Variants in FAM135B observed in about 807,000 individuals in gnomAD.
FAM135B encodes protein FAM135B.
A neutral mutation model predicts 127.7 loss-of-function variants in FAM135B; 43 were observed. That is an observed-to-expected ratio of 0.34 (90% CI 0.26 to 0.43). FAM135B has a LOEUF of 0.43. Among genes scored for constraint, FAM135B ranks in the 20% least tolerant of loss-of-function variants. The probability of loss-of-function intolerance (pLI) is 1.00; values close to 1 mark genes in which losing one functional copy is unlikely to be tolerated. For synonymous variants in FAM135B, 670 were observed against 665.1 expected, an observed-to-expected ratio of 1.01 and a Z score of -0.11; for missense variants, 1,558 against 1,725.6, an observed-to-expected ratio of 0.90 and a Z score of 1.72.
chr8:138,203,447 T>C (rs1332846264), intron 7 of FAM135B, among the ~76,000 whole-genome samples: 1 of 152,174 alleles, frequency 6.6e-6, no homozygotes, highest in East Asian at 1.9e-4. Context: ...CAAATTCTCT[T>C]ATCTCTGCCC....
At chr8:138,294,271 A>G (rs1825324182) in intron 3 of FAM135B, among the ~76,000 whole-genome samples, 1 of 152,116 alleles carries the variant, frequency 6.6e-6, no homozygotes, top group South Asian at 2.1e-4. Context: ...TGAAAGATAA[A>G]AAATTGCACG....
At position 138,139,111 on chromosome 8, in the gene FAM135B, A is replaced by G; in HGVS notation, c.3791-15T>C. ...GAGCCATAAGCCTAGGAAGACAAAA[A>G]CAAAATAAAAATCAAAAACACAAAA... On this transcript the variant is annotated splice_polypyrimidine_tract_variant and intron_variant, in intron 17 of 19. Coordinates refer to ENST00000395297, the MANE Select transcript of FAM135B (RefSeq NM_015912.4). 1 of 1,552,982 alleles carries G rather than the reference A, an allele frequency of 6.4e-7. No individual in the cohort carries two copies. The highest frequency in any genetic ancestry group is 8.8e-7 in the Non-Finnish European group (1 of 1,131,050).
At chr8:138,387,930 T>C (rs1207881915) in intron 1 of FAM135B, among the ~76,000 whole-genome samples, 3 of 152,170 alleles carry the variant, frequency 2.0e-5, no homozygotes, top group African/African-American at 4.8e-5. Context: ...CAAAATCCCA[T>C]TGGCTTCCTA....
intron 2 of FAM135B, among the ~76,000 whole-genome samples, chr8:138,360,998 TC>T (rs1830387434): frequency 6.6e-6 from 1 of 151,810 alleles, no homozygotes; most frequent in Non-Finnish European, 1.5e-5. Flanking sequence ...CAATCTCAGT[TC>T]ACTGCAACCT....
intron 1 of FAM135B, among the ~76,000 whole-genome samples, chr8:138,382,279 A>C (rs148525522): frequency 1.3e-5 from 2 of 152,190 alleles, no homozygotes; most frequent in African/African-American, 4.8e-5. Context: ...GGTTTCTAAA[A>C]TTTCTCGGGA....
At chr8:138,409,738 G>A (rs1587380712) in intron 1 of FAM135B, among the ~76,000 whole-genome samples, 1 of 152,004 alleles carries the variant, frequency 6.6e-6, no homozygotes, top group Non-Finnish European at 1.5e-5. Context: ...AGTCAGGCAT[G>A]GTGGTGGGCG....
In FAM135B at chr8:138,131,184, C is replaced by T. The variant is rs946968940; in HGVS notation, c.*1409G>A. On this transcript the variant is annotated 3_prime_UTR_variant, in exon 20 of 20. Transcript: ENST00000395297. ...AGAGTCATGGTCTAGGTATTGAGAA[C>T]CCTGGTCCTAGATGCGTTTCCACAC... 3 of 152,180 alleles carry T rather than the reference C, an allele frequency of 2.0e-5. No individual in the cohort carries two copies. The highest frequency in any genetic ancestry group is 7.2e-5 in the African/African-American group (3 of 41,438). The allele number at this position is 152,180 out of a possible 1,614,324, so 9.4% of individuals were successfully genotyped here. A position where few individuals can be genotyped will look rare whatever the true frequency, so the allele number is the denominator to read the frequency against.
rs1369522240 is a variant in FAM135B at position 138,206,833 on chromosome 8, C to G, written c.670-9164G>C. Among the ~76,000 whole-genome samples, 10 of 150,894 alleles carry G rather than the reference C, an allele frequency of 6.6e-5. No homozygotes were observed. In the East Asian group the frequency reaches 1.8e-3, roughly 27 times the overall value. ...TCCACCTACACACAACTCCAGCATC[C>G]TCTCCACCTACACACAGCTCTATCA... is the stretch of plus-strand genomic sequence containing the variant. On this transcript the variant is annotated intron_variant, in intron 7 of 19. Transcript: ENST00000395297.
chr8:138,191,193 C>G (rs1204486429), intron 9 of FAM135B, among the ~76,000 whole-genome samples: 3 of 152,234 alleles, frequency 2.0e-5, no homozygotes, highest in Non-Finnish European at 4.4e-5. Context: ...GTTCTGAGCA[C>G]TGTGCACCTG....
At chr8:138,278,232 T>C (rs10111646) in intron 3 of FAM135B, among the ~76,000 whole-genome samples, 151,767 of 151,770 alleles carry the variant, frequency 1, 75,882 homozygotes, top group Middle Eastern at 1. Flanking sequence ...ACACGAGAGC[T>C]AACTGGCTAA....
intron 1 of FAM135B, among the ~76,000 whole-genome samples, chr8:138,375,396 T>C (rs1831404899): frequency 1.3e-5 from 2 of 152,178 alleles, no homozygotes; most frequent in Non-Finnish European, 2.9e-5. Flanking sequence ...TGTGTGTGTG[T>C]GTGTATATGT....
intron 7 of FAM135B, among the ~76,000 whole-genome samples, chr8:138,221,230 C>T (rs138641063): frequency 1.0e-3 from 158 of 152,200 alleles, no homozygotes; most frequent in African/African-American, 3.6e-3. Context: ...CCTCAGGAAA[C>T]GTACAATCAT....
chr8:138,219,674 G>A (rs1304171826), intron 7 of FAM135B, among the ~76,000 whole-genome samples: 2 of 152,090 alleles, frequency 1.3e-5, no homozygotes, highest in Non-Finnish European at 2.9e-5. Context: ...TCACCCAGAC[G>A]TGTTCATTCT....
At chr8:138,383,044 G>T (rs1308796546) in intron 1 of FAM135B, among the ~76,000 whole-genome samples, 2 of 152,162 alleles carry the variant, frequency 1.3e-5, no homozygotes, top group African/African-American at 2.4e-5. Flanking sequence ...GCTCAACAAA[G>T]TTCATTCATT....
chr8:138,446,578 G>A (rs575445447), intron 1 of FAM135B, among the ~76,000 whole-genome samples: 68 of 152,274 alleles, frequency 4.5e-4, no homozygotes, highest in Middle Eastern at 3.4e-3. Flanking sequence ...TTAATAAATC[G>A]TTCAGGGAAA....
chr8:138,136,217 G>T (rs1466005849), intron 19 of FAM135B, among the ~76,000 whole-genome samples: 1 of 151,886 alleles, frequency 6.6e-6, no homozygotes, highest in Non-Finnish European at 1.5e-5. Context: ...ATTTGGAATA[G>T]ACCCAATTAT....
chr8:138,154,477 G>A (rs193233960), intron 12 of FAM135B, among the ~76,000 whole-genome samples: 48 of 151,728 alleles, frequency 3.2e-4, no homozygotes, highest in Non-Finnish European at 6.2e-4. Flanking sequence ...TCAGATGATC[G>A]GTAATAACAA....
chr8:138,492,544 C>A (rs1220696400), intron 1 of FAM135B, among the ~76,000 whole-genome samples: 1 of 152,108 alleles, frequency 6.6e-6, no homozygotes, highest in Non-Finnish European at 1.5e-5. Context: ...CTATGGCCTT[C>A]TGTTAGAGGA....
At chr8:138,326,673 A>T (rs1053459510) in intron 2 of FAM135B, among the ~76,000 whole-genome samples, 1 of 152,178 alleles carries the variant, frequency 6.6e-6, no homozygotes, top group African/African-American at 2.4e-5. Flanking sequence ...CAAAGGCATG[A>T]AGTGAAAACA....
Sources: gnomAD v4.1 joint callset for allele counts (sites outside exome capture counted in the v4.1 genomes callset) on GRCh38, gnomAD v4.1.1 for gene constraint, MANE v1.5 for transcripts, NCBI Gene and HGNC (gene_info 2026-07-23, HGNC 2026-07-21) for gene names.